RYR2: variants seen among roughly 807,000 people sequenced by gnomAD.
RYR2 encodes ryanodine receptor 2.
RYR2 carries 227 observed loss-of-function variants against 601.1 expected under a neutral mutation model. That is an observed-to-expected ratio of 0.38 (90% CI 0.34 to 0.42). RYR2 has a LOEUF of 0.42. Ranked by LOEUF, RYR2 falls within the 10% of genes least tolerant of loss-of-function variation. The pLI is 1.00. For missense variants in RYR2, 4,646 were observed against 6,156.5 expected, an observed-to-expected ratio of 0.75 and a Z score of 8.21; for synonymous variants, 2,223 against 2,175.1, an observed-to-expected ratio of 1.02 and a Z score of -0.61.
chr1:237,333,485 G>T (rs915081318), intron 3 of RYR2: 25 of 380,090 alleles, frequency 6.6e-5, no homozygotes, highest in African/African-American at 4.6e-4. Context: ...CCCGAGCAAC[G>T]GGGGGTGTCC....
In RYR2 at chr1:237,772,750, G is replaced by A. The variant is rs185792993; in HGVS notation, c.11646+650G>A. 2.2e-3 allele frequency among the ~76,000 whole-genome samples: 327 copies of A among 147,286 alleles called. 2 individuals are homozygous for A. The highest frequency in any genetic ancestry group is 3.3e-3 in the Non-Finnish European group (225 of 67,436). On this transcript the variant is annotated intron_variant, in intron 86 of 104. Transcript: ENST00000366574. ...AGCTTTTTCCTTAATCTTTGAGTGT[G>A]TAAAATCACAACTTTTTTTTTTTCT...
At chr1:237,529,313 C>T (rs10925445) in intron 24 of RYR2, among the ~76,000 whole-genome samples, 9,946 of 151,990 alleles carry the variant, frequency 0.065, 392 homozygotes, top group Middle Eastern at 0.18. Flanking sequence ...TGCAATTTAA[C>T]GCTAGAAAGA....
chr1:237,052,557 T>C (rs1661409869), intron 1 of RYR2, among the ~76,000 whole-genome samples: 1 of 152,232 alleles, frequency 6.6e-6, no homozygotes, highest in African/African-American at 2.4e-5. Context: ...TTTTGATTCA[T>C]TTTATTTTTG....
chr1:237,699,079 A>G (rs1339158198), intron 64 of RYR2, 54 bp downstream of exon 64: 2 of 789,474 alleles, frequency 2.5e-6, no homozygotes, highest in Non-Finnish European at 4.1e-6. Context: ...ATACATGTAT[A>G]TATATAAGAA....
At chr1:237,278,715 A>G (rs923671074) in intron 2 of RYR2, among the ~76,000 whole-genome samples, 4 of 152,174 alleles carry the variant, frequency 2.6e-5, no homozygotes, top group African/African-American at 4.8e-5. Context: ...TGTGGATAGT[A>G]TAGACTTAAG....
intron 43 of RYR2, among the ~76,000 whole-genome samples, chr1:237,633,942 A>G (rs1558104739): frequency 6.6e-6 from 1 of 152,198 alleles, no homozygotes; most frequent in Non-Finnish European, 1.5e-5. Flanking sequence ...AATGCCTATT[A>G]TTGAAAAGAC....
chr1:237,708,732 T>C, intron 68 of RYR2, 126 bp from the exon 69 acceptor site: 1 of 800,680 alleles, frequency 1.2e-6, no homozygotes. Flanking sequence ...AGGCATGAGC[T>C]GTACCCTTAA....
At chr1:237,175,305 T>C (rs925561857) in intron 1 of RYR2, among the ~76,000 whole-genome samples, 1 of 152,210 alleles carries the variant, frequency 6.6e-6, no homozygotes, top group Non-Finnish European at 1.5e-5. Context: ...ATTTCTCCTC[T>C]TTATTTTCCT....
At chr1:237,628,137 C>G in intron 41 of RYR2, 57 bp downstream of exon 41, 1 of 1,563,434 alleles carries the variant, frequency 6.4e-7, no homozygotes, top group Non-Finnish European at 8.7e-7. Flanking sequence ...AATTGTTATA[C>G]CTATAGAGCA....
At chr1:237,647,107 GAATTGA>G (rs1682247218) in intron 48 of RYR2, among the ~76,000 whole-genome samples, 1 of 152,160 alleles carries the variant, frequency 6.6e-6, no homozygotes, top group African/African-American at 2.4e-5. Context: ...ATTTTTAGGA[GAATTGA>G]AATTGAATTT....
At chr1:237,064,916 C>T (rs9428369) in intron 1 of RYR2, among the ~76,000 whole-genome samples, 117,238 of 151,962 alleles carry the variant, frequency 0.77, 45,792 homozygotes, top group East Asian at 0.98. Context: ...TTATTCTCAG[C>T]GAAAGTTTAG....
chr1:237,272,334 A>G (rs1451728989), intron 2 of RYR2, among the ~76,000 whole-genome samples: 1 of 151,130 alleles, frequency 6.6e-6, no homozygotes, highest in Admixed American at 6.6e-5. Context: ...AAAAAAAAAT[A>G]GAGGGGGGAA....
At chr1:237,709,350 A>G (rs1189042409) in intron 69 of RYR2, 130 bp from the exon 70 acceptor site, 4 of 697,076 alleles carry the variant, frequency 5.7e-6, no homozygotes, top group Non-Finnish European at 9.7e-6. Flanking sequence ...TTTTTTAAAT[A>G]TTACAACACT....
At chr1:237,348,170 A>ATTC (rs1558661947) in intron 3 of RYR2, among the ~76,000 whole-genome samples, 1 of 152,104 alleles carries the variant, frequency 6.6e-6, no homozygotes, top group Non-Finnish European at 1.5e-5. Context: ...TATTATTATT[A>ATTC]TTACGAGACA....
intron 1 of RYR2, among the ~76,000 whole-genome samples, chr1:237,229,767 C>G (rs952493046): frequency 6.6e-6 from 1 of 152,232 alleles, no homozygotes; most frequent in Middle Eastern, 3.4e-3. Context: ...AGAATAAAAA[C>G]CAGAGGGCTT....
intron 17 of RYR2, among the ~76,000 whole-genome samples, chr1:237,471,612 C>T (rs78435618): frequency 0.032 from 4,867 of 151,998 alleles, 103 homozygotes; most frequent in Non-Finnish European, 0.053. Context: ...AACTGCACAG[C>T]GAAATGCTTA....
chr1:237,806,532 G>A (rs997392553), intron 99 of RYR2, among the ~76,000 whole-genome samples: 7 of 151,916 alleles, frequency 4.6e-5, no homozygotes, highest in African/African-American at 9.7e-5. Flanking sequence ...AGATTTTTGC[G>A]AAAATGAAAT....
intron 15 of RYR2, among the ~76,000 whole-genome samples, chr1:237,454,909 G>A (rs1402631320): frequency 2.0e-5 from 3 of 152,074 alleles, no homozygotes; most frequent in Non-Finnish European, 4.4e-5. Context: ...GTGTCTGTAC[G>A]AATACAGGCT....
chr1:237,229,883 C>T (rs946314340), intron 1 of RYR2, among the ~76,000 whole-genome samples: 2 of 152,194 alleles, frequency 1.3e-5, no homozygotes, highest in Non-Finnish European at 2.9e-5. Context: ...CTGACTCCAG[C>T]ACCTGATGAC....
Sources: gnomAD v4.1 joint callset for allele counts (sites outside exome capture counted in the v4.1 genomes callset) on GRCh38, gnomAD v4.1.1 for gene constraint, MANE v1.5 for transcripts, NCBI Gene and HGNC (gene_info 2026-07-23, HGNC 2026-07-21) for gene names.